The following DOCK7 variants were observed in gnomAD, a reference collection of about 807,000 sequenced individuals.
DOCK7 encodes the protein dedicator of cytokinesis protein 7.
A neutral mutation model predicts 271.0 loss-of-function variants in DOCK7; 138 were observed. That is an observed-to-expected ratio of 0.51 (90% CI 0.44 to 0.59). DOCK7 has a LOEUF of 0.59. Among genes scored for constraint, DOCK7 ranks in the 20% least tolerant of loss-of-function variants. The pLI is 0.00. For synonymous variants in DOCK7, 823 were observed against 876.1 expected, an observed-to-expected ratio of 0.94 and a Z score of 1.07; for missense variants, 2,066 against 2,592.4, an observed-to-expected ratio of 0.80 and a Z score of 4.41.
At chr1:62,504,822 G>C (rs1414741707) in intron 36 of DOCK7, 40 bp from the exon 37 acceptor site, 14 of 1,598,994 alleles carry the variant, frequency 8.8e-6, no homozygotes, top group African/African-American at 1.4e-5. Flanking sequence ...AATTTTTACA[G>C]TAAAAGTTTC....
intron 37 of DOCK7, among the ~76,000 whole-genome samples, chr1:62,502,465 G>A (rs1216008916): frequency 1.3e-5 from 2 of 152,262 alleles, no homozygotes; most frequent in East Asian, 1.9e-4. Context: ...TATCCAATAA[G>A]ACCAATGAGA....
At chr1:62,663,507 T>C (rs1455263524) in intron 1 of DOCK7, among the ~76,000 whole-genome samples, 2 of 152,102 alleles carry the variant, frequency 1.3e-5, no homozygotes, top group African/African-American at 2.4e-5. Flanking sequence ...TTAAAATGTA[T>C]ATTAAATTAA....
chr1:62,516,918 T>C (rs1314447166), intron 31 of DOCK7: 4 of 152,446 alleles, frequency 2.6e-5, no homozygotes, highest in Non-Finnish European at 5.9e-5. Context: ...TATGTTCTCA[T>C]AGATGTATAA....
chr1:62,520,853 C>CCCAT (rs1644825768), intron 31 of DOCK7, among the ~76,000 whole-genome samples: 1 of 152,068 alleles, frequency 6.6e-6, no homozygotes, highest in East Asian at 1.9e-4. Context: ...AGAAACAATC[C>CCCAT]CAATGCCCAT....
intron 33 of DOCK7, 85 bp from the exon 34 acceptor site, chr1:62,510,758 T>C (rs768229828): frequency 1.9e-4 from 203 of 1,048,196 alleles, no homozygotes; most frequent in Non-Finnish European, 2.7e-4. Flanking sequence ...GTAAGAAATA[T>C]ACAACAATAA....
intron 2 of DOCK7, among the ~76,000 whole-genome samples, chr1:62,654,520 C>T (rs917968297): frequency 2.5e-4 from 38 of 151,838 alleles, no homozygotes; most frequent in Non-Finnish European, 4.7e-4. Context: ...AAGTAAGTTG[C>T]TACGTTTCTA....
At chr1:62,459,244 C>CTT (rs35036803) in intron 48 of DOCK7, 3 of 137,420 alleles carry the variant, frequency 2.2e-5, no homozygotes, top group Non-Finnish European at 3.2e-5. Flanking sequence ...ATATAATGTA[C>CTT]TTTTTTTTTT....
rs1325757846 is a variant in DOCK7 at position 62,584,052 on chromosome 1, A to C, written c.1801-798T>G. 8 of 715,676 alleles carry C rather than the reference A, an allele frequency of 1.1e-5. No individual in the cohort carries two copies. The East Asian group carries it at 9.2e-4, about 82-fold the overall frequency. The allele number at this position is 715,676 out of a possible 1,614,324, so 44.3% of individuals were successfully genotyped here. On this transcript the variant is annotated intron_variant, in intron 15 of 49. Transcript: ENST00000635253. ...TTAAAGTCTGTATAGCCATCTTTACATATGCATGAATAGATATGTGAACAT... is the reference window on the plus strand; with the variant it reads ...TTAAAGTCTGTATAGCCATCTTTACCTATGCATGAATAGATATGTGAACAT...
At chr1:62,664,941 T>C (rs771331455) in intron 1 of DOCK7, among the ~76,000 whole-genome samples, 1 of 152,162 alleles carries the variant, frequency 6.6e-6, no homozygotes, top group African/African-American at 2.4e-5. Flanking sequence ...ATGTAATCCT[T>C]TGTCTGAAAA....
chr1:62,656,149 T>C (rs536602478), intron 2 of DOCK7, among the ~76,000 whole-genome samples: 1 of 152,286 alleles, frequency 6.6e-6, no homozygotes, highest in East Asian at 1.9e-4. Context: ...ATATAAAAAA[T>C]GAACCCCAAT....
At chr1:62,480,786 G>GA (rs1557603124) in intron 43 of DOCK7, among the ~76,000 whole-genome samples, 3 of 152,266 alleles carry the variant, frequency 2.0e-5, no homozygotes, top group African/African-American at 7.2e-5. Context: ...AGGCGGGGGG[G>GA]ATCACGAGGT....
Position 62,505,705 on chromosome 1 carries a change from T to C in DOCK7, c.4588A>G (p.Thr1530Ala), listed in dbSNP as rs766003475. The part of the protein sequence containing the change: ...SAVYLQHCFA[T>A]QRALVSKFPE... ...ACCTTTGAAACCAAGGCTCTCTGTGTAGCAAAACAGTGTTGTAGATAAACT... is the reference window on the plus strand; with the variant it reads ...ACCTTTGAAACCAAGGCTCTCTGTGCAGCAAAACAGTGTTGTAGATAAACT... The change falls in exon 36 of 50, where the codon ACA becomes GCA. Residue 1530 changes from threonine to alanine, a missense_variant. Coordinates refer to ENST00000635253, the MANE Select transcript of DOCK7 (RefSeq NM_001367561.1). The C allele has an allele frequency of 1.2e-6, 2 of 1,612,080 alleles. No homozygotes were observed. Among genetic ancestry groups the C allele is most frequent in the South Asian group, 1.1e-5 (1 of 90,654 alleles).
chr1:62,639,591 C>T (rs1655742158), intron 7 of DOCK7, among the ~76,000 whole-genome samples: 2 of 151,820 alleles, frequency 1.3e-5, no homozygotes, highest in African/African-American at 2.4e-5. Context: ...CATGCCACCA[C>T]ACCCAGCCAA....
Position 62,619,899 on chromosome 1 carries a change from C to T in DOCK7, c.1519+1G>A. 1 of 1,603,504 alleles carries T rather than the reference C, an allele frequency of 6.2e-7. No homozygotes were observed. Among genetic ancestry groups the T allele is most frequent in the African/African-American group, 1.3e-5 (1 of 74,384 alleles). ...CATTTCTACTCAAAATTTTTAAATA[C>T]CTGTAATAGGTCTTAGTCGCCGTAA... On this transcript the variant is annotated splice_donor_variant, in intron 13 of 49. Transcript: ENST00000635253. LOFTEE classifies it high-confidence loss of function.
chr1:62,661,522 A>G (rs893321995), intron 2 of DOCK7, among the ~76,000 whole-genome samples: 3 of 152,030 alleles, frequency 2.0e-5, no homozygotes, highest in African/African-American at 7.2e-5. Flanking sequence ...TTTTAAATTC[A>G]ATTTTTTTCT....
chr1:62,594,988 T>C (rs1363151337), intron 14 of DOCK7, among the ~76,000 whole-genome samples: 1 of 152,206 alleles, frequency 6.6e-6, no homozygotes, highest in African/African-American at 2.4e-5. Flanking sequence ...AGGAGAAAAT[T>C]TGAATTTCTT....
intron 13 of DOCK7, among the ~76,000 whole-genome samples, chr1:62,619,420 C>T (rs1471578883): frequency 6.6e-6 from 1 of 152,218 alleles, no homozygotes; most frequent in Non-Finnish European, 1.5e-5. Context: ...ATGCCTGAAA[C>T]TGCAGACAGT....
At position 62,552,900 on chromosome 1, in the gene DOCK7, A is replaced by G; in HGVS notation, c.2598T>C (p.Gly866=). Residue 866 remains glycine, a splice_region_variant and synonymous_variant, in exon 22 of 50, where the codon GGT becomes GGC. Transcript: ENST00000635253. ...GCACTGATCCTCCCAAACCCCCAGG[A>G]CCTAGAGTTGTATATGAAATAGCAC... ...PNTYPNSSSP[G]PGGLGGSVHY... is the part of the protein sequence containing the mutation. The G allele has an allele frequency of 1.3e-6, 2 of 1,591,142 alleles. No homozygotes were observed. The highest frequency in any genetic ancestry group is 2.3e-5 in the South Asian group (2 of 86,412).
chr1:62,637,332 G>A (rs962403959), intron 7 of DOCK7, among the ~76,000 whole-genome samples: 3 of 152,106 alleles, frequency 2.0e-5, no homozygotes, highest in African/African-American at 7.2e-5. Flanking sequence ...TAAACATCTA[G>A]TAAATATTTG....
Sources: gnomAD v4.1 joint callset for allele counts (sites outside exome capture counted in the v4.1 genomes callset) on GRCh38, gnomAD v4.1.1 for gene constraint, MANE v1.5 for transcripts, NCBI Gene and HGNC (gene_info 2026-07-23, HGNC 2026-07-21) for gene names.